The following HACE1 variants were observed in gnomAD, a reference collection of about 807,000 sequenced individuals.
HACE1 encodes HECT domain and ankyrin repeat containing E3 ubiquitin protein ligase 1.
HACE1 carries 73 observed loss-of-function variants against 118.4 expected under a neutral mutation model. The observed-to-expected ratio is 0.62, with a 90% confidence interval of 0.51 to 0.75. The LOEUF (loss-of-function observed/expected upper bound fraction) is 0.75. Ranked by LOEUF, HACE1 falls within the 30% of genes least tolerant of loss-of-function variation. The probability of loss-of-function intolerance (pLI) is 0.00; values close to 1 mark genes in which losing one functional copy is unlikely to be tolerated. For synonymous variants in HACE1, 368 were observed against 374.8 expected (o/e 0.98, Z 0.21); for missense variants, 749 against 1,102.2 (o/e 0.68, Z 4.54).
At chr6:104,829,260 T>G (rs553979727) in intron 6 of HACE1, among the ~76,000 whole-genome samples, 1 of 152,246 alleles carries the variant, frequency 6.6e-6, no homozygotes, top group East Asian at 1.9e-4. Context: ...TATGGAAAGA[T>G]ATACAAATGG....
At chr6:104,767,674 A>G (rs1780158454) in intron 19 of HACE1, among the ~76,000 whole-genome samples, 1 of 152,046 alleles carries the variant, frequency 6.6e-6, no homozygotes, top group Non-Finnish European at 1.5e-5. Flanking sequence ...TCCCCACATC[A>G]TCTTTTTCTA....
intron 7 of HACE1, among the ~76,000 whole-genome samples, chr6:104,808,600 T>C (rs983154956): frequency 2.6e-5 from 4 of 152,052 alleles, no homozygotes; most frequent in Non-Finnish European, 4.4e-5. Flanking sequence ...AGTTGACCCT[T>C]GAATATGATA....
chr6:104,803,034 C>T (rs551414322), intron 7 of HACE1, among the ~76,000 whole-genome samples: 1 of 152,278 alleles, frequency 6.6e-6, no homozygotes, highest in East Asian at 1.9e-4. Context: ...AAGGGGGTAT[C>T]ACCACCAATC....
intron 7 of HACE1, among the ~76,000 whole-genome samples, chr6:104,806,813 T>G (rs1261992677): frequency 1.3e-5 from 2 of 152,280 alleles, no homozygotes; most frequent in Admixed American, 6.5e-5. Context: ...AAACTTGTGG[T>G]GGCTTCTAAA....
intron 6 of HACE1, among the ~76,000 whole-genome samples, chr6:104,814,916 C>G (rs1771963428): frequency 7.2e-6 from 1 of 138,660 alleles, no homozygotes; most frequent in Non-Finnish European, 1.6e-5. Flanking sequence ...GCCAGCAGAA[C>G]TCTGAGTCAA....
chr6:104,858,487 C>G, intron 1 of HACE1: 1 of 397,870 alleles, frequency 2.5e-6, no homozygotes, highest in Non-Finnish European at 5.0e-6. Flanking sequence ...ATCACTTGAG[C>G]CCAGGAGTTC....
intron 19 of HACE1, among the ~76,000 whole-genome samples, chr6:104,766,246 TG>T (rs531142819): frequency 3.6e-4 from 55 of 152,158 alleles, no homozygotes; most frequent in African/African-American, 1.3e-3. Flanking sequence ...AATCTTGGTG[TG>T]TTGAAGAAAA....
chr6:104,797,990 C>T (rs920463546), intron 7 of HACE1, among the ~76,000 whole-genome samples: 6 of 151,244 alleles, frequency 4.0e-5, no homozygotes, highest in African/African-American at 1.2e-4. Context: ...ATCACTTGAA[C>T]CCGGGAGGCA....
At position 104,777,191 on chromosome 6, in the gene HACE1, C is replaced by A. The variant is rs768600026; in HGVS notation, c.1678+15G>T. On this transcript the variant is annotated intron_variant, in intron 15 of 23. Transcript: ENST00000262903. ...TTGTGCTTCACACATATATCAGTTT[C>A]TTTGTTAAGCATACCTCTGTGAACC... The A allele has an allele frequency of 6.3e-7, 1 of 1,585,776 alleles. No individual in the cohort carries two copies. The highest frequency in any genetic ancestry group is 8.7e-7 in the Non-Finnish European group (1 of 1,154,226).
intron 20 of HACE1, 93 bp from the exon 21 acceptor site, chr6:104,744,703 C>G (rs1285641476): frequency 6.7e-6 from 5 of 748,334 alleles, no homozygotes; most frequent in Non-Finnish European, 2.4e-6. Flanking sequence ...AGAAACTAAT[C>G]CCATGTAAAA....
At chr6:104,749,959 C>A (rs1777859193) in intron 20 of HACE1, among the ~76,000 whole-genome samples, 2 of 151,974 alleles carry the variant, frequency 1.3e-5, no homozygotes, top group African/African-American at 4.8e-5. Flanking sequence ...CTTCTTAATT[C>A]TTTTTAGAAG....
intron 19 of HACE1, among the ~76,000 whole-genome samples, chr6:104,761,832 G>T (rs1226427692): frequency 6.6e-6 from 1 of 151,196 alleles, no homozygotes; most frequent in Non-Finnish European, 1.5e-5. Flanking sequence ...AATCTACAAA[G>T]AACTTAAACA....
At chr6:104,752,254 TAG>T (rs1778141917) in intron 19 of HACE1, among the ~76,000 whole-genome samples, 1 of 152,238 alleles carries the variant, frequency 6.6e-6, no homozygotes, top group East Asian at 1.9e-4. Context: ...GTACTTATTA[TAG>T]AGAGGGAGAC....
chr6:104,744,305 A>G lies in HACE1; in HGVS notation c.2443-75T>C, dbSNP rs1582626760. On this transcript the variant is annotated intron_variant, in intron 21 of 23. Coordinates refer to ENST00000262903, the MANE Select transcript of HACE1 (RefSeq NM_020771.4). ...CTTCTCAATACCAGAGAAATATGCA[A>G]TATTCATAAAGCACATTTTATTCTA... 19 of 954,304 alleles carry G rather than the reference A, an allele frequency of 2.0e-5. No individual in the cohort carries two copies. The East Asian group carries it at 4.3e-4, about 22-fold the overall frequency. 59.1% of individuals were successfully genotyped at this position (954,304 alleles called of 1,614,324 possible). A position where few individuals can be genotyped will look rare whatever the true frequency, so the allele number is the denominator to read the frequency against.
At chr6:104,819,582 G>A (rs1055365013) in intron 6 of HACE1, among the ~76,000 whole-genome samples, 10 of 152,022 alleles carry the variant, frequency 6.6e-5, no homozygotes, top group Non-Finnish European at 1.0e-4. Context: ...AAACAGACAC[G>A]GCAATCCTAA....
intron 5 of HACE1, among the ~76,000 whole-genome samples, chr6:104,839,002 C>T (rs1453205693): frequency 1.3e-5 from 2 of 150,922 alleles, no homozygotes; most frequent in East Asian, 3.9e-4. Flanking sequence ...TAAAAAGGTG[C>T]TCAACATCAC....
In HACE1 at chr6:104,785,027, A is replaced by G. The variant is rs1355103338; in HGVS notation, c.1367T>C (p.Ile456Thr). ...AGAACAGCACATGTAAAAAGCTTGAATGACAGCACTTAGCCGGTTAGCTGT... is the reference window on the plus strand; with the variant it reads ...AGAACAGCACATGTAAAAAGCTTGAGTGACAGCACTTAGCCGGTTAGCTGT... The part of the protein sequence containing the change: ...SMTANRLSAV[I>T]QAFYMCCSCQ... Residue 456 changes from isoleucine to threonine, a missense_variant, in exon 12 of 24, where the codon ATT becomes ACT. Coordinates refer to ENST00000262903, the MANE Select transcript of HACE1 (RefSeq NM_020771.4). The G allele has an allele frequency of 1.2e-6, 2 of 1,613,698 alleles. No homozygotes were observed. The highest frequency in any genetic ancestry group is 2.7e-5 in the African/African-American group (2 of 74,912).
intron 17 of HACE1, among the ~76,000 whole-genome samples, chr6:104,773,754 A>G (rs918235247): frequency 1.3e-5 from 2 of 150,538 alleles, no homozygotes; most frequent in Non-Finnish European, 3.0e-5. Context: ...TAAAAAGAAT[A>G]GATAAGGAGA....
chr6:104,771,124 T>C, intron 19 of HACE1, 69 bp downstream of exon 19: 1 of 1,119,778 alleles, frequency 8.9e-7, no homozygotes, highest in South Asian at 1.2e-5. Context: ...CCAGAAGAAT[T>C]TAGAGTAACT....
Sources: gnomAD v4.1 joint callset for allele counts (sites outside exome capture counted in the v4.1 genomes callset) on GRCh38, gnomAD v4.1.1 for gene constraint, MANE v1.5 for transcripts, NCBI Gene and HGNC (gene_info 2026-07-23, HGNC 2026-07-21) for gene names.